The following GNA14 variants were observed in gnomAD, a reference collection of about 807,000 sequenced individuals.
The protein encoded by GNA14 is G protein subunit alpha 14.
A neutral mutation model predicts 42.0 loss-of-function variants in GNA14; 50 were observed. The observed-to-expected ratio is 1.19, with a 90% CI of 0.95 to 1.51. The LOEUF is 1.51. Ranked by LOEUF, GNA14 falls within the 40% of genes most tolerant of loss-of-function variation. The pLI, the probability that GNA14 is intolerant of heterozygous loss-of-function variation, is 0.00. For missense variants in GNA14, 473 were observed against 446.2 expected, an observed-to-expected ratio of 1.06 and a Z score of -0.54; for synonymous variants, 173 against 163.1, an observed-to-expected ratio of 1.06 and a Z score of -0.46.
At position 77,452,013 on chromosome 9, in the gene GNA14, T is replaced by C. The variant is rs116532858; in HGVS notation, c.310-17491A>G. Among the ~76,000 whole-genome samples, 1,065 of 152,310 alleles carry C rather than the reference T, an allele frequency of 7.0e-3. 16 individuals are homozygous for C. The highest frequency in any genetic ancestry group is 0.025 in the African/African-American group (1,025 of 41,560). ...ATTTCACTCAATCTAGTGATGTCCA[T>C]GCTCACTATGTGCTGGTCTCACACC... On this transcript the variant is annotated intron_variant, in intron 2 of 6. Coordinates refer to ENST00000341700, the MANE Select transcript of GNA14 (RefSeq NM_004297.4).
intron 2 of GNA14, among the ~76,000 whole-genome samples, chr9:77,438,936 A>G (rs1035861924): frequency 6.6e-6 from 1 of 152,230 alleles, no homozygotes; most frequent in Admixed American, 6.5e-5. Flanking sequence ...ATTATTCATT[A>G]TTAAAAATTA....
At chr9:77,479,119 C>A (rs7849796) in intron 2 of GNA14, among the ~76,000 whole-genome samples, 12 of 151,364 alleles carry the variant, frequency 7.9e-5, no homozygotes, top group Non-Finnish European at 1.0e-4. Context: ...CTGAATGGTA[C>A]TGCCTAGGTT....
intron 2 of GNA14, among the ~76,000 whole-genome samples, chr9:77,449,377 T>C (rs974122839): frequency 6.6e-6 from 1 of 152,202 alleles, no homozygotes; most frequent in African/African-American, 2.4e-5. Flanking sequence ...CAGTGGAAAA[T>C]CTTAGAATTG....
chr9:77,594,734 A>G (rs1345967595), intron 1 of GNA14, among the ~76,000 whole-genome samples: 2 of 151,988 alleles, frequency 1.3e-5, no homozygotes, highest in Admixed American at 6.6e-5. Context: ...ATAACTAGAA[A>G]CTCTTTCTTA....
chr9:77,634,123 C>T (rs890458801), intron 1 of GNA14, among the ~76,000 whole-genome samples: 1 of 152,026 alleles, frequency 6.6e-6, no homozygotes, highest in East Asian at 1.9e-4. Flanking sequence ...TAGGAAAAGT[C>T]TTTATGAAAA....
chr9:77,558,772 G>GA (rs1822830376), intron 1 of GNA14, among the ~76,000 whole-genome samples: 1 of 152,034 alleles, frequency 6.6e-6, no homozygotes, highest in Non-Finnish European at 1.5e-5. Context: ...AGAAGCCTCT[G>GA]AAAAAGTATG....
chr9:77,610,734 T>G (rs1823717137), intron 1 of GNA14, among the ~76,000 whole-genome samples: 1 of 152,230 alleles, frequency 6.6e-6, no homozygotes, highest in South Asian at 2.1e-4. Context: ...AAGCTATTTC[T>G]GATACATATT....
intron 1 of GNA14, among the ~76,000 whole-genome samples, chr9:77,548,290 G>A (rs1470763070): frequency 1.3e-5 from 2 of 152,148 alleles, no homozygotes; most frequent in African/African-American, 2.4e-5. Flanking sequence ...TTACTCTGGT[G>A]TGTCTGTGTC....
intron 1 of GNA14, among the ~76,000 whole-genome samples, chr9:77,598,946 C>A (rs1823509367): frequency 6.6e-6 from 1 of 152,182 alleles, no homozygotes; most frequent in Non-Finnish European, 1.5e-5. Context: ...AAATAATAAA[C>A]CATGAGCTGG....
At chr9:77,548,746 C>A (rs1409598453) in intron 1 of GNA14, among the ~76,000 whole-genome samples, 2 of 152,162 alleles carry the variant, frequency 1.3e-5, no homozygotes, top group East Asian at 1.9e-4. Flanking sequence ...GCAGCAACTT[C>A]TTTAACCAAG....
intron 1 of GNA14, among the ~76,000 whole-genome samples, chr9:77,613,115 A>G (rs953517620): frequency 6.6e-6 from 1 of 152,362 alleles, no homozygotes; most frequent in African/African-American, 2.4e-5. Context: ...AGCCAGACAG[A>G]GAAAGACACT....
At chr9:77,575,467 T>C (rs1823113647) in intron 1 of GNA14, among the ~76,000 whole-genome samples, 1 of 152,208 alleles carries the variant, frequency 6.6e-6, no homozygotes, top group Non-Finnish European at 1.5e-5. Flanking sequence ...TTACCTAAAC[T>C]TTCCACATGA....
chr9:77,424,802 A>G (rs532254096), intron 6 of GNA14, among the ~76,000 whole-genome samples: 30 of 152,308 alleles, frequency 2.0e-4, no homozygotes, highest in African/African-American at 6.0e-4. Flanking sequence ...TAGGAGAGAT[A>G]AAAGGAAGAA....
intron 1 of GNA14, among the ~76,000 whole-genome samples, chr9:77,603,973 A>AAAAAAAAAC (rs1823611638): frequency 6.6e-6 from 1 of 150,450 alleles, no homozygotes; most frequent in Non-Finnish European, 1.5e-5. Flanking sequence ...AAAAAAAAAA[A>AAAAAAAAAC]AAAAAAAACA....
intron 1 of GNA14, among the ~76,000 whole-genome samples, chr9:77,535,503 C>G (rs1014357022): frequency 2.6e-5 from 4 of 152,092 alleles, no homozygotes; most frequent in Admixed American, 2.0e-4. Context: ...GAGCCGAGAT[C>G]GCGCCATTGC....
chr9:77,440,951 A>C (rs1394215479), intron 2 of GNA14, among the ~76,000 whole-genome samples: 1 of 152,112 alleles, frequency 6.6e-6, no homozygotes, highest in Admixed American at 6.5e-5. Context: ...CCTGACCTCA[A>C]GTGATCCGCC....
intron 2 of GNA14, among the ~76,000 whole-genome samples, chr9:77,526,891 A>G (rs1474371597): frequency 9.2e-5 from 14 of 152,230 alleles, no homozygotes; most frequent in East Asian, 1.9e-4. Flanking sequence ...CAAACCACAT[A>G]AAACCACTTT....
At chr9:77,576,978 A>G (rs1047326200) in intron 1 of GNA14, among the ~76,000 whole-genome samples, 2 of 152,216 alleles carry the variant, frequency 1.3e-5, no homozygotes, top group African/African-American at 4.8e-5. Flanking sequence ...CTTCCTTGCT[A>G]ACCTCTAGCA....
chr9:77,594,423 C>T (rs925630211), intron 1 of GNA14, among the ~76,000 whole-genome samples: 3 of 152,364 alleles, frequency 2.0e-5, no homozygotes, highest in East Asian at 1.9e-4. Flanking sequence ...GAACTATCTA[C>T]TGCTGTGGTC....
Sources: allele counts gnomAD v4.1 joint callset (sites outside exome capture counted in the v4.1 genomes callset), GRCh38; gene constraint gnomAD v4.1.1; transcripts MANE v1.5; gene names NCBI Gene and HGNC (gene_info 2026-07-23, HGNC 2026-07-21).